The following SPPL2A variants were observed in gnomAD, a reference collection of about 807,000 sequenced individuals.
SPPL2A encodes the protein signal peptide peptidase like 2A, also known as signal peptide peptidase-like 2A.
Under a neutral mutation model 63.8 loss-of-function variants are expected in SPPL2A, and 51 were observed. The ratio of observed to expected loss-of-function variants is 0.80; its 90% CI spans 0.64 to 1.01. SPPL2A has a LOEUF of 1.01. Ranked by LOEUF, SPPL2A falls within the 50% of genes least tolerant of loss-of-function variation. The probability of loss-of-function intolerance (pLI) is 0.00; values close to 1 mark genes in which losing one functional copy is unlikely to be tolerated. For synonymous variants in SPPL2A, 188 were observed against 205.8 expected (o/e 0.91, Z 0.74); for missense variants, 553 against 622.7 (o/e 0.89, Z 1.19).
chr15:50,761,184 A>C (rs1210526594), intron 1 of SPPL2A, among the ~76,000 whole-genome samples: 1 of 151,792 alleles, frequency 6.6e-6, no homozygotes, highest in East Asian at 1.9e-4. Context: ...TAATTTTTTA[A>C]TTTTTTGTAG....
chr15:50,732,937 C>T (rs1205105511), intron 8 of SPPL2A, among the ~76,000 whole-genome samples: 1 of 152,000 alleles, frequency 6.6e-6, no homozygotes, highest in Non-Finnish European at 1.5e-5. Context: ...TAAAGGCATG[C>T]ACACCACCAT....
intron 1 of SPPL2A, among the ~76,000 whole-genome samples, chr15:50,758,218 G>T (rs1827417490): frequency 1.4e-5 from 2 of 147,264 alleles, no homozygotes; most frequent in South Asian, 4.3e-4. Flanking sequence ...GAACCTGGGA[G>T]GCGGAGCTTG....
intron 5 of SPPL2A, among the ~76,000 whole-genome samples, chr15:50,742,028 C>G (rs1184173905): frequency 6.6e-6 from 1 of 151,840 alleles, no homozygotes; most frequent in African/African-American, 2.4e-5. Flanking sequence ...ACTTTCATAT[C>G]AGCTTGAGAG....
Position 50,707,830 on chromosome 15 carries a change from C to G in SPPL2A, c.1533G>C (p.Val511=). Residue 511 remains valine, a synonymous_variant, in exon 15 of 15, where the codon GTG becomes GTC. Coordinates refer to ENST00000261854, the MANE Select transcript of SPPL2A (RefSeq NM_032802.4). ...GCTGGACAATCTGTTCACCAGATATCACAGGGTTTTCTTCATTTGTTGCAC... is the reference window on the plus strand; with the variant it reads ...GCTGGACAATCTGTTCACCAGATATGACAGGGTTTTCTTCATTTGTTGCAC... ...LDCATNEENP[V]ISGEQIVQQ is the part of the protein sequence containing the mutation. 1 of 1,592,746 alleles carries G rather than the reference C, an allele frequency of 6.3e-7. No homozygotes were observed. The highest frequency in any genetic ancestry group is 8.6e-7 in the Non-Finnish European group (1 of 1,160,638).
intron 1 of SPPL2A, 84 bp downstream of exon 1, chr15:50,765,384 C>T (rs1285712565): frequency 9.3e-7 from 1 of 1,076,900 alleles, no homozygotes; most frequent in Non-Finnish European, 1.3e-6. Flanking sequence ...GGAGGCCGGG[C>T]GAGGAGTAGG....
At chr15:50,726,690 T>TGGGTTAAAAATTTTA (rs1485984818) in intron 10 of SPPL2A, among the ~76,000 whole-genome samples, 3 of 152,250 alleles carry the variant, frequency 2.0e-5, no homozygotes, top group Non-Finnish European at 4.4e-5. Flanking sequence ...ACATTTGTAA[T>TGGGTTAAAAATTTTA]GGGTTAAAAA....
intron 5 of SPPL2A, 60 bp from the exon 6 acceptor site, chr15:50,739,888 T>C: frequency 1.8e-6 from 2 of 1,082,242 alleles, no homozygotes; most frequent in Non-Finnish European, 2.6e-6. Flanking sequence ...TTAAAAAATT[T>C]ATCTCTAACA....
In SPPL2A at chr15:50,743,682, T is replaced by A. The variant is rs562142228; in HGVS notation, c.584+3813A>T. Among the ~76,000 whole-genome samples, 3 of 152,246 alleles carry A rather than the reference T, an allele frequency of 2.0e-5. No homozygotes were observed. In the East Asian group the frequency reaches 5.8e-4, roughly 29 times the overall value. Reference sequence around the variant, plus strand: ...TTTTAATAAGATCTCTAGATAAGTATATGCACTTTACAGTTTGAGAAGCAC... The same window carrying A: ...TTTTAATAAGATCTCTAGATAAGTAAATGCACTTTACAGTTTGAGAAGCAC... On this transcript the variant is annotated intron_variant, in intron 5 of 14. Transcript: ENST00000261854.
chr15:50,731,821 G>T (rs1170253507), intron 9 of SPPL2A, among the ~76,000 whole-genome samples: 1 of 147,178 alleles, frequency 6.8e-6, no homozygotes, highest in East Asian at 2.0e-4. Context: ...CCAGCTACTT[G>T]GGAGGCTGAG....
intron 1 of SPPL2A, among the ~76,000 whole-genome samples, chr15:50,755,307 G>A (rs1163379857): frequency 1.4e-5 from 2 of 145,990 alleles, no homozygotes; most frequent in Admixed American, 1.4e-4. Flanking sequence ...GACAGAACGA[G>A]ACTCTGTCTC....
At chr15:50,709,464 G>A (rs1352594550) in intron 14 of SPPL2A, among the ~76,000 whole-genome samples, 5 of 152,300 alleles carry the variant, frequency 3.3e-5, no homozygotes, top group Middle Eastern at 6.8e-3. Flanking sequence ...GCTTTTGGCT[G>A]ACAACTGTCT....
intron 14 of SPPL2A, among the ~76,000 whole-genome samples, chr15:50,713,457 G>GT (rs1567148582): frequency 6.6e-6 from 1 of 151,764 alleles, no homozygotes. Flanking sequence ...TAGAGACAGG[G>GT]TTTTACCATA....
rs1043892307 is a variant in SPPL2A, at chr15:50,706,017, A to G, written c.*1783T>C. 1 of 152,182 alleles carries G rather than the reference A, an allele frequency of 6.6e-6. No individual in the cohort carries two copies. Among genetic ancestry groups the G allele is most frequent in the Non-Finnish European group, 1.5e-5 (1 of 68,030 alleles). 9.4% of individuals were successfully genotyped at this position (152,182 alleles called of 1,614,324 possible). On this transcript the variant is annotated 3_prime_UTR_variant, in exon 15 of 15. Coordinates refer to ENST00000261854, the MANE Select transcript of SPPL2A (RefSeq NM_032802.4). ...TTCAGGCCACATCTAAAATTTACCA[A>G]AGAATGGGGAAAAAACTTTTTTCAA...
chr15:50,714,230 T>C (rs1217791774), intron 14 of SPPL2A, among the ~76,000 whole-genome samples: 1 of 152,228 alleles, frequency 6.6e-6, no homozygotes, highest in Non-Finnish European at 1.5e-5. Context: ...TTAGCTACTA[T>C]GTTATATGGT....
chr15:50,704,318 G>C lies in SPPL2A; in HGVS notation c.*3482C>G, dbSNP rs1277800108. ...TATCATGCCATTGCACTCCAGCCTG[G>C]GCAAAAAGAGCGAAACTCTGTCTCA... On this transcript the variant is annotated 3_prime_UTR_variant, in exon 15 of 15. Transcript: ENST00000261854. 7.8e-6 allele frequency: 1 copy of C among 128,528 alleles called. No homozygotes were observed. Among genetic ancestry groups the C allele is most frequent in the East Asian group, 2.8e-4 (1 of 3,622 alleles). 8.0% of individuals were successfully genotyped at this position (128,528 alleles called of 1,614,324 possible).
chr15:50,760,909 T>C (rs2063004494), intron 1 of SPPL2A, among the ~76,000 whole-genome samples: 1 of 152,220 alleles, frequency 6.6e-6, no homozygotes, highest in Non-Finnish European at 1.5e-5. Flanking sequence ...CTGGGGATCC[T>C]GATTATCATT....
intron 5 of SPPL2A, 26 bp from the exon 6 acceptor site, chr15:50,739,854 C>G: frequency 1.3e-6 from 2 of 1,556,596 alleles, no homozygotes; most frequent in South Asian, 2.5e-5. Context: ...GGAACTTTAG[C>G]AAATCTTAGC....
rs560861885 is a variant in SPPL2A, at chr15:50,706,491, C to A, written c.*1309G>T. The A allele has an allele frequency of 6.6e-6, 1 of 151,214 alleles. No homozygotes were observed. Among genetic ancestry groups the A allele is most frequent in the Non-Finnish European group, 1.5e-5 (1 of 67,920 alleles). 9.4% of individuals were successfully genotyped at this position (151,214 alleles called of 1,614,324 possible). A position where few individuals can be genotyped will look rare whatever the true frequency, so the allele number is the denominator to read the frequency against. ...TATTGTAATTAAACTGAGACTAACACCAAGTCTCTTGCTGTTGTTGCCAAT... is the reference window on the plus strand; with the variant it reads ...TATTGTAATTAAACTGAGACTAACAACAAGTCTCTTGCTGTTGTTGCCAAT... On this transcript the variant is annotated 3_prime_UTR_variant, in exon 15 of 15. Coordinates refer to ENST00000261854, the MANE Select transcript of SPPL2A (RefSeq NM_032802.4).
chr15:50,761,824 C>T (rs1326591148), intron 1 of SPPL2A, among the ~76,000 whole-genome samples: 3 of 149,274 alleles, frequency 2.0e-5, no homozygotes, highest in Non-Finnish European at 4.5e-5. Context: ...TAATCCTACT[C>T]GGGAGACTGA....
Sources: allele counts gnomAD v4.1 joint callset (sites outside exome capture counted in the v4.1 genomes callset), GRCh38; gene constraint gnomAD v4.1.1; transcripts MANE v1.5; gene names NCBI Gene and HGNC (gene_info 2026-07-23, HGNC 2026-07-21).